The following SUDS3 variants were observed in gnomAD, a reference collection of about 807,000 sequenced individuals.
SUDS3 encodes the protein sin3 histone deacetylase corepressor complex component SDS3.
In SUDS3, 23 loss-of-function variants were observed where a neutral mutation model predicts 53.5. The observed-to-expected ratio is 0.43, with a 90% confidence interval of 0.31 to 0.61. SUDS3 has a LOEUF of 0.61. Among genes scored for constraint, SUDS3 ranks in the 20% least tolerant of loss-of-function variants. The pLI is 0.10. For synonymous variants in SUDS3, 150 were observed against 148.5 expected, an observed-to-expected ratio of 1.01 and a Z score of -0.08; for missense variants, 291 against 405.9, an observed-to-expected ratio of 0.72 and a Z score of 2.43.
intron 6 of SUDS3, among the ~76,000 whole-genome samples, chr12:118,395,109 C>T (rs1421364797): frequency 6.6e-6 from 1 of 151,968 alleles, no homozygotes; most frequent in Non-Finnish European, 1.5e-5. Flanking sequence ...GGAAGAGGCC[C>T]CACACAAATA....
At position 118,399,559 on chromosome 12, in the gene SUDS3, C is replaced by T. The variant is rs137884833; in HGVS notation, c.518-1100C>T. Among the ~76,000 whole-genome samples, 35 of 152,164 alleles carry T rather than the reference C, an allele frequency of 2.3e-4. 1 individual carries two copies. The East Asian group carries it at 6.8e-3, about 29-fold the overall frequency. ...ATACACAAAACGATCTGATTTGTGT[C>T]TCAGGAAGATCACTTTGAGGGAGGG... On this transcript the variant is annotated intron_variant, in intron 6 of 11. Coordinates refer to ENST00000543473, the MANE Select transcript of SUDS3 (RefSeq NM_022491.3).
In SUDS3 at chr12:118,411,585, C is replaced by T. The variant is rs548799609; in HGVS notation, c.888+428C>T. On this transcript the variant is annotated intron_variant, in intron 11 of 11. Coordinates refer to ENST00000543473, the MANE Select transcript of SUDS3 (RefSeq NM_022491.3). ...CTATCTTGGCTCACTGCAACTTCCA[C>T]CTCCCAGGTTCAAGTGATTCTCCTG... is the stretch of plus-strand genomic sequence containing the variant. 5.9e-5 allele frequency among the ~76,000 whole-genome samples: 9 copies of T among 152,184 alleles called. No individual in the cohort carries two copies. The South Asian group carries it at 1.9e-3, about 32-fold the overall frequency.
chr12:118,383,925 C>A, intron 2 of SUDS3, 87 bp from the exon 3 acceptor site: 1 of 1,256,580 alleles, frequency 8.0e-7, no homozygotes, highest in Non-Finnish European at 1.1e-6. Flanking sequence ...CTTCCCATAA[C>A]AGCCCAGCTA....
chr12:118,395,625 A>G (rs897861658), intron 6 of SUDS3, among the ~76,000 whole-genome samples: 6 of 152,134 alleles, frequency 3.9e-5, no homozygotes, highest in African/African-American at 1.4e-4. Context: ...TTGGCTTTAA[A>G]GAGATTGGTC....
chr12:118,383,995 C>CTTTT lies in SUDS3; in HGVS notation c.213-8_213-5dup. On this transcript the variant is annotated splice_polypyrimidine_tract_variant and intron_variant, in intron 2 of 11. Transcript: ENST00000543473. ...TGAATGTTTTTATCTGTTAGTGTGA[C>CTTTT]TTTTTTTTTTTTATAGGATGTATCA... 7.3e-7 allele frequency: 1 copy of CTTTT among 1,368,846 alleles called. No homozygotes were observed. Among genetic ancestry groups the CTTTT allele is most frequent in the Non-Finnish European group, 1.0e-6 (1 of 992,042 alleles). The allele number at this position is 1,368,846 out of a possible 1,614,324, so 84.8% of individuals were successfully genotyped here.
intron 10 of SUDS3, among the ~76,000 whole-genome samples, chr12:118,406,513 A>G (rs1420261389): frequency 6.6e-6 from 1 of 152,166 alleles, no homozygotes. Flanking sequence ...CAGTAGTGGT[A>G]ATTTCTAGTT....
At chr12:118,382,798 G>A (rs2046078795) in intron 2 of SUDS3, among the ~76,000 whole-genome samples, 1 of 150,972 alleles carries the variant, frequency 6.6e-6, no homozygotes, top group Non-Finnish European at 1.5e-5. Flanking sequence ...CTCACGAGTA[G>A]CTGGGATTAC....
In SUDS3 at chr12:118,403,441, G is replaced by T; in HGVS notation, c.727G>T (p.Ala243Ser). ...TCCATCCTCTCCTGAGCACTTGCCT[G>T]CAACACCCGCGGAATCTCCAGCCCA... ...ASPSSPEHLP[A>S]TPAESPAQRF... is the part of the protein sequence containing the mutation. Residue 243 changes from alanine (A) to serine (S), a missense_variant, in exon 10 of 12, where the codon GCA becomes TCA. By Grantham distance (99) the Ala-to-Ser change is moderately conservative. Coordinates refer to ENST00000543473, the MANE Select transcript of SUDS3 (RefSeq NM_022491.3). The T allele has an allele frequency of 6.2e-7, 1 of 1,613,650 alleles. No individual in the cohort carries two copies. The highest frequency in any genetic ancestry group is 2.2e-5 in the East Asian group (1 of 44,880).
chr12:118,377,398 C>G (rs2046009299), intron 1 of SUDS3, among the ~76,000 whole-genome samples: 1 of 152,198 alleles, frequency 6.6e-6, no homozygotes, highest in African/African-American at 2.4e-5. Flanking sequence ...TGTAATGGAG[C>G]TGTTTAATTC....
intron 6 of SUDS3, among the ~76,000 whole-genome samples, chr12:118,392,570 T>A (rs929751361): frequency 2.0e-5 from 3 of 152,216 alleles, no homozygotes; most frequent in African/African-American, 7.2e-5. Context: ...AACAGCAGCT[T>A]CAGGCAGTAT....
At chr12:118,380,031 T>C in intron 1 of SUDS3, 131 bp from the exon 2 acceptor site, 3 of 716,704 alleles carry the variant, frequency 4.2e-6, no homozygotes, top group Non-Finnish European at 7.1e-6. Context: ...TTTTCATTGA[T>C]GGCTTTGTGC....
chr12:118,383,842 C>G (rs2046089566), intron 2 of SUDS3, among the ~76,000 whole-genome samples, 170 bp from the exon 3 acceptor site: 1 of 152,214 alleles, frequency 6.6e-6, no homozygotes, highest in Non-Finnish European at 1.5e-5. Context: ...TTTCTGATCC[C>G]TGTGGCTGCT....
rs756437913 is a variant in SUDS3, at chr12:118,386,126, A to C, written c.281A>C (p.Glu94Ala). The change falls in exon 4 of 12, where the codon GAA becomes GCA. Residue 94 changes from glutamate (E) to alanine (A), a missense_variant. Physicochemically the swap from Glu to Ala is moderately radical, Grantham distance 107 (BLOSUM62 -1). Around this residue, in one of 4 missense-constraint regions of SUDS3, gnomAD observed 149 missense variants for 146.5 expected, o/e 1.02. Transcript: ENST00000543473. ...LQQLQEGTLQ[E>A]YQKRMKKLDQ... Reference sequence around the variant, plus strand: ...TGTTCAAAATCAGGTACATTACAGGAATATCAGAAGAGAATGAAAAAACTA... The same window carrying C: ...TGTTCAAAATCAGGTACATTACAGGCATATCAGAAGAGAATGAAAAAACTA... The C allele has an allele frequency of 1.3e-6, 2 of 1,597,516 alleles. No homozygotes were observed. The highest frequency in any genetic ancestry group is 1.7e-6 in the Non-Finnish European group (2 of 1,171,212).
In SUDS3 at chr12:118,416,044, A is replaced by G. The variant is rs1269041590; in HGVS notation, c.*1611A>G. 3.3e-5 allele frequency: 5 copies of G among 150,218 alleles called. No individual in the cohort carries two copies. The highest frequency in any genetic ancestry group is 1.3e-4 in the Admixed American group (2 of 14,958). 9.3% of individuals were successfully genotyped at this position (150,218 alleles called of 1,614,324 possible). ...CTCTGCCCTCCAATCCCCGACTGCTATGATGTTTACTACAGTGAACCCAGC... is the reference window on the plus strand; with the variant it reads ...CTCTGCCCTCCAATCCCCGACTGCTGTGATGTTTACTACAGTGAACCCAGC... On this transcript the variant is annotated 3_prime_UTR_variant, in exon 12 of 12. Coordinates refer to ENST00000543473, the MANE Select transcript of SUDS3 (RefSeq NM_022491.3).
intron 2 of SUDS3, among the ~76,000 whole-genome samples, chr12:118,383,684 T>C (rs2046088053): frequency 6.6e-6 from 1 of 152,244 alleles, no homozygotes; most frequent in East Asian, 1.9e-4. Flanking sequence ...CATTTCTACA[T>C]TGTGTGTGTG....
At chr12:118,381,104 C>T (rs955378146) in intron 2 of SUDS3, among the ~76,000 whole-genome samples, 1 of 152,190 alleles carries the variant, frequency 6.6e-6, no homozygotes, top group African/African-American at 2.4e-5. Flanking sequence ...ACTCACTGCA[C>T]TAATGTGCTA....
intron 2 of SUDS3, among the ~76,000 whole-genome samples, chr12:118,382,197 G>A (rs1349886621): frequency 4.6e-5 from 7 of 151,948 alleles, no homozygotes; most frequent in Non-Finnish European, 8.8e-5. Context: ...GCGCCACTAC[G>A]CCTGGCTGAT....
intron 4 of SUDS3, among the ~76,000 whole-genome samples, chr12:118,388,487 G>A (rs1216878042): frequency 2.0e-5 from 3 of 152,138 alleles, no homozygotes; most frequent in Non-Finnish European, 4.4e-5. Context: ...TTCAAGTTGC[G>A]GGTTTGTAGA....
chr12:118,401,412 C>T (rs997644982), intron 7 of SUDS3, among the ~76,000 whole-genome samples: 1 of 152,210 alleles, frequency 6.6e-6, no homozygotes, highest in Non-Finnish European at 1.5e-5. Context: ...TTGGCCTTAC[C>T]TTGGGTGAGT....
Sources: allele counts gnomAD v4.1 joint callset (sites outside exome capture counted in the v4.1 genomes callset), GRCh38; gene constraint gnomAD v4.1.1; regional missense constraint gnomAD v4.1.1; transcripts MANE v1.5; gene names NCBI Gene and HGNC (gene_info 2026-07-23, HGNC 2026-07-21).